The following SHISA9 variants were observed in gnomAD, a reference collection of about 807,000 sequenced individuals.
SHISA9 encodes shisa family member 9.
In SHISA9, 13 loss-of-function variants were observed where a neutral mutation model predicts 38.0. The ratio of observed to expected loss-of-function variants is 0.34; its 90% CI spans 0.22 to 0.54. SHISA9 has a LOEUF of 0.54. SHISA9 is among the 20% of genes least tolerant of loss of function. The pLI is 0.91. For missense variants in SHISA9, 538 were observed against 575.8 expected, an observed-to-expected ratio of 0.93 and a Z score of 0.67; for synonymous variants, 275 against 242.0, an observed-to-expected ratio of 1.14 and a Z score of -1.27.
At chr16:13,189,784 C>G (rs2050865051) in intron 2 of SHISA9, among the ~76,000 whole-genome samples, 1 of 152,158 alleles carries the variant, frequency 6.6e-6, no homozygotes, top group Non-Finnish European at 1.5e-5. Context: ...GACAATTTAT[C>G]CTAACGAGCT....
chr16:13,546,591 C>T, the SHISA9 span, among the ~76,000 whole-genome samples: 1 of 152,108 alleles, frequency 6.6e-6, no homozygotes. Context: ...TGGATAACAA[C>T]GTGAATCAGA....
chr16:13,191,405 C>A (rs192344411), intron 2 of SHISA9, among the ~76,000 whole-genome samples: 4 of 152,326 alleles, frequency 2.6e-5, no homozygotes, highest in Admixed American at 2.6e-4. Context: ...CTCATGGCCA[C>A]CTGTTATGTT....
chr16:12,913,677 A>C (rs34833594), intron 1 of SHISA9, among the ~76,000 whole-genome samples: 34,917 of 152,038 alleles, frequency 0.23, 4,849 homozygotes, highest in Non-Finnish European at 0.31. Flanking sequence ...CTCTCCCCTC[A>C]CTGTGTCCCC....
intron 2 of SHISA9, among the ~76,000 whole-genome samples, chr16:13,047,189 A>C (rs1596610396): frequency 6.6e-6 from 1 of 152,270 alleles, no homozygotes. Flanking sequence ...CAGTGTTTTG[A>C]AAATTCCCAC....
chr16:13,048,472 G>A (rs1596611197), intron 2 of SHISA9, among the ~76,000 whole-genome samples: 1 of 152,044 alleles, frequency 6.6e-6, no homozygotes, highest in Non-Finnish European at 1.5e-5. Context: ...CCCAGGCTGG[G>A]GTGCAATGGC....
the SHISA9 span, among the ~76,000 whole-genome samples, chr16:13,391,844 G>A: frequency 4.6e-5 from 7 of 152,324 alleles, no homozygotes; most frequent in Admixed American, 6.5e-5. Context: ...GGGTAATAAC[G>A]GTGGCAATTC....
the SHISA9 span, among the ~76,000 whole-genome samples, chr16:13,417,092 G>A: frequency 6.6e-6 from 1 of 152,146 alleles, no homozygotes; most frequent in South Asian, 2.1e-4. Context: ...CCTGCTTGCC[G>A]AAGGCACCTT....
the SHISA9 span, among the ~76,000 whole-genome samples, chr16:13,462,997 T>C: frequency 6.6e-6 from 1 of 150,846 alleles, no homozygotes; most frequent in African/African-American, 2.4e-5. Flanking sequence ...AAAATAAAAA[T>C]ACAAAAAAGT....
intron 2 of SHISA9, among the ~76,000 whole-genome samples, chr16:13,138,675 G>A (rs1225431883): frequency 6.6e-6 from 1 of 152,216 alleles, no homozygotes; most frequent in African/African-American, 2.4e-5. Flanking sequence ...CACAAGGGGA[G>A]TCTTTGAGCC....
chr16:13,024,708 A>C (rs1272917810), intron 2 of SHISA9, among the ~76,000 whole-genome samples: 1 of 152,198 alleles, frequency 6.6e-6, no homozygotes, highest in Non-Finnish European at 1.5e-5. Flanking sequence ...AGCTTCTTCT[A>C]CTGTAAAGTA....
chr16:13,479,800 G>A, the SHISA9 span, among the ~76,000 whole-genome samples: 1 of 152,154 alleles, frequency 6.6e-6, no homozygotes, highest in Non-Finnish European at 1.5e-5. Flanking sequence ...TGGTAAAGCT[G>A]GTTCAGTTCT....
intron 2 of SHISA9, among the ~76,000 whole-genome samples, chr16:12,980,831 G>A (rs1278734065): frequency 6.6e-6 from 1 of 151,316 alleles, no homozygotes; most frequent in African/African-American, 2.4e-5. Flanking sequence ...TATCCATTTT[G>A]TGTCCATTAT....
At chr16:13,001,468 G>A (rs1021962372) in intron 2 of SHISA9, among the ~76,000 whole-genome samples, 1 of 152,178 alleles carries the variant, frequency 6.6e-6, no homozygotes, top group African/African-American at 2.4e-5. Flanking sequence ...GGTTCTGGAT[G>A]TTGGCTTCAG....
At chr16:13,305,437 C>G in the SHISA9 span, among the ~76,000 whole-genome samples, 2 of 152,152 alleles carry the variant, frequency 1.3e-5, no homozygotes, top group African/African-American at 4.8e-5. Context: ...AAACATAATG[C>G]AGGAAAACTG....
intron 2 of SHISA9, among the ~76,000 whole-genome samples, chr16:13,168,524 T>A (rs550602543): frequency 6.6e-6 from 1 of 152,310 alleles, no homozygotes; most frequent in African/African-American, 2.4e-5. Context: ...TGTAGTCTTC[T>A]TAGGTGCCCC....
chr16:13,152,939 T>C (rs1238080543), intron 2 of SHISA9, among the ~76,000 whole-genome samples: 1 of 152,236 alleles, frequency 6.6e-6, no homozygotes, highest in Non-Finnish European at 1.5e-5. Context: ...TATGCCACTA[T>C]AATCACAAGC....
the SHISA9 span, among the ~76,000 whole-genome samples, chr16:13,416,562 G>T: frequency 6.6e-6 from 1 of 152,046 alleles, no homozygotes; most frequent in African/African-American, 2.4e-5. Context: ...CAAGAAATTG[G>T]TTAGCCAGGC....
chr16:13,101,988 T>C (rs554483548), intron 2 of SHISA9, among the ~76,000 whole-genome samples: 1 of 152,302 alleles, frequency 6.6e-6, no homozygotes, highest in Non-Finnish European at 1.5e-5. Context: ...GCATGGATGA[T>C]TGGGTAATGC....
chr16:12,980,166 C>T (rs367668060), intron 2 of SHISA9, among the ~76,000 whole-genome samples: 7 of 152,116 alleles, frequency 4.6e-5, no homozygotes, highest in Non-Finnish European at 7.4e-5. Context: ...TTAAAGACAG[C>T]GTCAAACTTT....
Sources: allele counts gnomAD v4.1 joint callset (sites outside exome capture counted in the v4.1 genomes callset), GRCh38; gene constraint gnomAD v4.1.1; transcripts MANE v1.5; gene names NCBI Gene and HGNC (gene_info 2026-07-23, HGNC 2026-07-21).